Variants in USP34 observed in about 807,000 individuals in gnomAD.
The protein encoded by USP34 is ubiquitin specific peptidase 34, also known as ubiquitin carboxyl-terminal hydrolase 34.
Under a neutral mutation model 460.3 loss-of-function variants are expected in USP34, and 70 were observed. The ratio of observed to expected loss-of-function variants is 0.15; its 90% CI spans 0.13 to 0.19. The LOEUF (loss-of-function observed/expected upper bound fraction) is 0.19. USP34 is among the 10% of genes least tolerant of loss of function. USP34 has a pLI of 1.00. For synonymous variants in USP34, 1,647 were observed against 1,405.3 expected (o/e 1.17, Z -3.85); for missense variants, 3,985 against 4,236.2 (o/e 0.94, Z 1.65).
chr2:61,450,996 G>A (rs561238832), intron 1 of USP34, among the ~76,000 whole-genome samples: 1 of 151,724 alleles, frequency 6.6e-6, no homozygotes, highest in South Asian at 2.1e-4. Flanking sequence ...AAGGCAGGCG[G>A]ATCACGAGGT....
intron 3 of USP34, among the ~76,000 whole-genome samples, chr2:61,403,403 G>C (rs1693778006): frequency 6.6e-6 from 1 of 151,966 alleles, no homozygotes; most frequent in Admixed American, 6.6e-5. Flanking sequence ...ACATATCTAA[G>C]TCCCTAACGA....
intron 10 of USP34, among the ~76,000 whole-genome samples, chr2:61,366,816 C>T (rs978844949): frequency 7.2e-5 from 11 of 152,016 alleles, no homozygotes; most frequent in Non-Finnish European, 1.3e-4. Flanking sequence ...GGGAGTGCAA[C>T]GCAGGAGGAT....
At chr2:61,378,082 A>T (rs1273565749) in intron 8 of USP34, among the ~76,000 whole-genome samples, 1 of 152,130 alleles carries the variant, frequency 6.6e-6, no homozygotes, top group African/African-American at 2.4e-5. Flanking sequence ...CTGAGGTGGG[A>T]GGATCACCTG....
At chr2:61,240,450 T>C (rs1359758091) in intron 53 of USP34, among the ~76,000 whole-genome samples, 2 of 152,096 alleles carry the variant, frequency 1.3e-5, no homozygotes, top group Non-Finnish European at 2.9e-5. Flanking sequence ...AGCTAATTCT[T>C]TGTATTTTTA....
rs185589331 is a variant in USP34 at position 61,402,311 on chromosome 2, C to T, written c.552+3397G>A. 6.6e-5 allele frequency among the ~76,000 whole-genome samples: 10 copies of T among 152,048 alleles called. 1 individual carries two copies. The highest frequency in any genetic ancestry group is 2.4e-4 in the African/African-American group (10 of 41,500). On this transcript the variant is annotated intron_variant, in intron 3 of 79. Coordinates refer to ENST00000398571, the MANE Select transcript of USP34 (RefSeq NM_014709.4). ...GGAAAAAAATTAAAACTAGGCCATT[C>T]CCCCTTTTGATCCTGAATTAGTACT... is the stretch of plus-strand genomic sequence containing the variant.
At chr2:61,285,784 T>C (rs1461625857) in intron 34 of USP34, among the ~76,000 whole-genome samples, 4 of 152,192 alleles carry the variant, frequency 2.6e-5, no homozygotes, top group African/African-American at 4.8e-5. Flanking sequence ...GTAGAGAGCA[T>C]GGATTCTAGA....
At chr2:61,462,950 G>C (rs1467872669) in intron 1 of USP34, among the ~76,000 whole-genome samples, 2 of 150,924 alleles carry the variant, frequency 1.3e-5, no homozygotes. Context: ...AAAATCACTT[G>C]AGCCCAGGAG....
rs1440372601 is a variant in USP34 at position 61,348,305 on chromosome 2, A to C, written c.1850T>G (p.Ile617Ser). ...SEVQSEDIADIEALKEEDEDD... is the reference protein window; with the variant it reads ...SEVQSEDIADSEALKEEDEDD... ...TTCATCTTCCTCTTTGAGGGCTTCA[A>C]TATCTGCAATGTCTTCTGACTGTAC... The change falls in exon 15 of 80, where the codon ATT (isoleucine) becomes AGT (serine). Residue 617 changes from isoleucine (I) to serine (S), a missense_variant. Physicochemically the swap from Ile to Ser is moderately radical, Grantham distance 142 (BLOSUM62 -2). Around this residue, in one of 14 missense-constraint regions of USP34, gnomAD observed 716 missense variants for 626.2 expected, o/e 1.14. Coordinates refer to ENST00000398571, the MANE Select transcript of USP34 (RefSeq NM_014709.4). The C allele has an allele frequency of 3.1e-6, 5 of 1,614,028 alleles. No individual in the cohort carries two copies. The highest frequency in any genetic ancestry group is 4.2e-6 in the Non-Finnish European group (5 of 1,180,032).
At chr2:61,251,742 C>A (rs1688587842) in intron 48 of USP34, among the ~76,000 whole-genome samples, 1 of 152,118 alleles carries the variant, frequency 6.6e-6, no homozygotes, top group Non-Finnish European at 1.5e-5. Flanking sequence ...TGAAAAAAAT[C>A]TTTGCCAAAT....
intron 29 of USP34, among the ~76,000 whole-genome samples, chr2:61,299,826 C>T (rs1454453445): frequency 6.6e-6 from 1 of 152,130 alleles, no homozygotes; most frequent in Non-Finnish European, 1.5e-5. Context: ...CTAGACTATA[C>T]CTTTTCCTCT....
At chr2:61,403,877 C>CA (rs1000788938) in intron 3 of USP34, among the ~76,000 whole-genome samples, 11 of 151,100 alleles carry the variant, frequency 7.3e-5, no homozygotes, top group African/African-American at 2.7e-4. Flanking sequence ...CCTGTACTCC[C>CA]AGCTACTCAG....
intron 66 of USP34, among the ~76,000 whole-genome samples, chr2:61,221,274 G>A (rs896341555): frequency 6.6e-6 from 1 of 152,154 alleles, no homozygotes. Context: ...GAACTTTGGA[G>A]GGTAGGGGAA....
Position 61,187,983 on chromosome 2 carries a change from T to G in USP34, c.*119A>C, listed in dbSNP as rs962846614. The G allele has an allele frequency of 5.4e-6, 8 of 1,472,334 alleles. No homozygotes were observed. The African/African-American group carries it at 1.1e-4, about 21-fold the overall frequency. 91.2% of individuals were successfully genotyped at this position (1,472,334 alleles called of 1,614,324 possible). On this transcript the variant is annotated 3_prime_UTR_variant, in exon 80 of 80. Transcript: ENST00000398571. Reference sequence around the variant, plus strand: ...AAGAATTAAGCCTATAAATCTATCTTGCCATTCAAGCAGAGAGCACTGGAC... The same window carrying G: ...AAGAATTAAGCCTATAAATCTATCTGGCCATTCAAGCAGAGAGCACTGGAC...
At chr2:61,227,277 CA>C in intron 61 of USP34, 59 bp from the exon 62 acceptor site, 1 of 1,533,820 alleles carries the variant, frequency 6.5e-7, no homozygotes, top group South Asian at 1.2e-5. Flanking sequence ...ATTTTGAGAA[CA>C]AATGACTTGT....
intron 1 of USP34, among the ~76,000 whole-genome samples, chr2:61,445,747 G>A (rs1695096316): frequency 6.6e-6 from 1 of 152,020 alleles, no homozygotes; most frequent in Non-Finnish European, 1.5e-5. Context: ...CACGAGGTCA[G>A]GAGTTCAAGA....
chr2:61,342,609 G>A (rs1369303047), intron 16 of USP34, among the ~76,000 whole-genome samples: 2 of 151,950 alleles, frequency 1.3e-5, no homozygotes, highest in East Asian at 3.9e-4. Context: ...ACCATGCCCA[G>A]CCCTTATTGA....
intron 69 of USP34, among the ~76,000 whole-genome samples, chr2:61,210,585 TACTC>T (rs1687246863): frequency 6.6e-6 from 1 of 152,240 alleles, no homozygotes; most frequent in Non-Finnish European, 1.5e-5. Flanking sequence ...TGACTATAAT[TACTC>T]ACACAGCTAT....
rs774941670 is a variant in USP34 at position 61,265,963 on chromosome 2, A to C, written c.5617+21T>G. Reference sequence around the variant, plus strand: ...CTGAATTCAAAATCTATAAAGATTAAAGGAAAAGAAGAATGCTTACACTGC... The same window carrying C: ...CTGAATTCAAAATCTATAAAGATTACAGGAAAAGAAGAATGCTTACACTGC... On this transcript the variant is annotated intron_variant, in intron 42 of 79. Coordinates refer to ENST00000398571, the MANE Select transcript of USP34 (RefSeq NM_014709.4). 6.3e-5 allele frequency: 96 copies of C among 1,532,766 alleles called. 2 individuals carry two copies. The South Asian group carries it at 1.2e-3, about 19-fold the overall frequency. The allele number at this position is 1,532,766 out of a possible 1,614,324, so 94.9% of individuals were successfully genotyped here.
In USP34 at chr2:61,216,553, T is replaced by C. The variant is rs559131790; in HGVS notation, c.8048-1859A>G. Among the ~76,000 whole-genome samples, 8 of 151,878 alleles carry C rather than the reference T, an allele frequency of 5.3e-5. No homozygotes were observed. The South Asian group carries it at 6.2e-4, about 12-fold the overall frequency. ...AGGCAGAGCTTGCAGTAAGCCGAGATTGCGCCACTGCACTCCAGCCTGGGT... is the reference window on the plus strand; with the variant it reads ...AGGCAGAGCTTGCAGTAAGCCGAGACTGCGCCACTGCACTCCAGCCTGGGT... On this transcript the variant is annotated intron_variant, in intron 67 of 79. Coordinates refer to ENST00000398571, the MANE Select transcript of USP34 (RefSeq NM_014709.4).
Sources: gnomAD v4.1 joint callset for allele counts (sites outside exome capture counted in the v4.1 genomes callset) on GRCh38, gnomAD v4.1.1 for gene constraint, gnomAD v4.1.1 regional missense constraint, MANE v1.5 for transcripts, NCBI Gene and HGNC (gene_info 2026-07-23, HGNC 2026-07-21) for gene names.